PEX5L: variants seen among roughly 807,000 people sequenced by gnomAD.
The protein encoded by PEX5L is PEX5-related protein.
In PEX5L, 30 loss-of-function variants were observed where a neutral mutation model predicts 84.0. The observed-to-expected ratio is 0.36, with a 90% CI of 0.27 to 0.48. PEX5L has a LOEUF of 0.48. PEX5L is among the 20% of genes least tolerant of loss of function. The pLI is 0.99. For missense variants in PEX5L, 533 were observed against 754.6 expected, an observed-to-expected ratio of 0.71 and a Z score of 3.44; for synonymous variants, 270 against 283.1, an observed-to-expected ratio of 0.95 and a Z score of 0.46.
chr3:180,029,037 A>G (rs924929194), intron 1 of PEX5L, among the ~76,000 whole-genome samples: 4 of 152,228 alleles, frequency 2.6e-5, no homozygotes, highest in Non-Finnish European at 5.9e-5. Context: ...ACCTGATCAC[A>G]TCTCTAGCAG....
intron 1 of PEX5L, among the ~76,000 whole-genome samples, chr3:180,022,573 T>C (rs1458825581): frequency 6.6e-6 from 1 of 152,164 alleles, no homozygotes; most frequent in Non-Finnish European, 1.5e-5. Context: ...TGTTGAATGT[T>C]TTACAATAGC....
At chr3:180,029,415 A>C (rs924281813) in intron 1 of PEX5L, among the ~76,000 whole-genome samples, 1 of 152,212 alleles carries the variant, frequency 6.6e-6, no homozygotes, top group Non-Finnish European at 1.5e-5. Context: ...CTATGTATTT[A>C]TTTATTTGTA....
intron 5 of PEX5L, among the ~76,000 whole-genome samples, chr3:179,879,267 C>T (rs1374216857): frequency 6.6e-6 from 1 of 152,144 alleles, no homozygotes; most frequent in Non-Finnish European, 1.5e-5. Flanking sequence ...GCTGTCCTTT[C>T]TCAGAGGAGG....
At chr3:180,026,818 T>C (rs1301204210) in intron 1 of PEX5L, among the ~76,000 whole-genome samples, 2 of 152,168 alleles carry the variant, frequency 1.3e-5, no homozygotes, top group Non-Finnish European at 2.9e-5. Context: ...TATTTTACAT[T>C]CAAGCAATAT....
intron 8 of PEX5L, among the ~76,000 whole-genome samples, chr3:179,851,852 G>A (rs1173353974): frequency 6.6e-6 from 1 of 152,156 alleles, no homozygotes; most frequent in Non-Finnish European, 1.5e-5. Context: ...GATCAGAGAG[G>A]ACAAGCTTAG....
intron 1 of PEX5L, among the ~76,000 whole-genome samples, chr3:179,999,026 A>C (rs1788147491): frequency 6.6e-6 from 1 of 152,244 alleles, no homozygotes; most frequent in Non-Finnish European, 1.5e-5. Context: ...AAGTCTTCCC[A>C]GTGGGCAGAA....
chr3:179,906,613 T>G (rs956269243), intron 2 of PEX5L, among the ~76,000 whole-genome samples: 1 of 152,188 alleles, frequency 6.6e-6, no homozygotes, highest in African/African-American at 2.4e-5. Context: ...CTTTGAGGAT[T>G]GTGTGAAATA....
intron 8 of PEX5L, among the ~76,000 whole-genome samples, chr3:179,839,455 C>A (rs1470787541): frequency 6.6e-6 from 1 of 152,276 alleles, no homozygotes; most frequent in East Asian, 1.9e-4. Flanking sequence ...AACATTGTCA[C>A]TTGGTTAAAT....
At chr3:180,005,445 T>C (rs1314920677) in intron 1 of PEX5L, among the ~76,000 whole-genome samples, 2 of 152,114 alleles carry the variant, frequency 1.3e-5, no homozygotes, top group Non-Finnish European at 2.9e-5. Context: ...AATATTTTTG[T>C]AGGCTGGGCG....
intron 8 of PEX5L, among the ~76,000 whole-genome samples, chr3:179,833,466 C>T (rs770629868): frequency 6.6e-6 from 1 of 152,228 alleles, no homozygotes; most frequent in Non-Finnish European, 1.5e-5. Context: ...CCTCTCTAAC[C>T]TGTTCTTTGC....
chr3:179,831,306 C>T (rs866454955), intron 8 of PEX5L, among the ~76,000 whole-genome samples: 51 of 142,288 alleles, frequency 3.6e-4, no homozygotes, highest in African/African-American at 1.3e-3. Flanking sequence ...GGTGACAGGG[C>T]GAGACTCTGT....
At chr3:179,892,446 GA>G (rs1224215161) in intron 3 of PEX5L, among the ~76,000 whole-genome samples, 6 of 152,116 alleles carry the variant, frequency 3.9e-5, no homozygotes, top group African/African-American at 1.4e-4. Flanking sequence ...ACTAGACTGT[GA>G]CTTCCTTTAG....
At chr3:179,920,983 C>G (rs1421171121) in intron 2 of PEX5L, among the ~76,000 whole-genome samples, 1 of 152,020 alleles carries the variant, frequency 6.6e-6, no homozygotes, top group East Asian at 1.9e-4. Context: ...TTTTCCTAAG[C>G]CCCTTACTAT....
chr3:179,856,742 T>C (rs1744127550), intron 8 of PEX5L, among the ~76,000 whole-genome samples: 1 of 152,244 alleles, frequency 6.6e-6, no homozygotes, highest in South Asian at 2.1e-4. Context: ...GGGCACCATT[T>C]CCCTTCATTC....
intron 2 of PEX5L, among the ~76,000 whole-genome samples, chr3:179,911,361 G>C (rs1447719949): frequency 1.3e-5 from 2 of 152,116 alleles, no homozygotes; most frequent in African/African-American, 4.8e-5. Flanking sequence ...ATGGTGCAGG[G>C]AAACAAGGAG....
chr3:179,836,330 A>T (rs889133169), intron 8 of PEX5L, among the ~76,000 whole-genome samples: 5 of 152,212 alleles, frequency 3.3e-5, no homozygotes, highest in Non-Finnish European at 7.3e-5. Flanking sequence ...ATTTTGTGAA[A>T]GTAGAACTTT....
intron 2 of PEX5L, among the ~76,000 whole-genome samples, chr3:179,944,873 C>A (rs1315919904): frequency 6.6e-6 from 1 of 152,158 alleles, no homozygotes; most frequent in East Asian, 1.9e-4. Flanking sequence ...TGCAAGATTA[C>A]AAAACTAGTA....
intron 2 of PEX5L, chr3:179,901,916 T>C (rs1761481629): frequency 6.6e-6 from 1 of 152,180 alleles, no homozygotes; most frequent in Non-Finnish European, 1.5e-5. Flanking sequence ...TTTCCGTTTT[T>C]AAAATACAGA....
intron 8 of PEX5L, among the ~76,000 whole-genome samples, chr3:179,829,943 ATTT>A (rs11352022): frequency 1.2e-3 from 103 of 83,624 alleles, no homozygotes; most frequent in African/African-American, 4.2e-3. Context: ...GGCCTGGCTA[ATTT>A]TTTTTTTTTT....
Sources: gnomAD v4.1 joint callset for allele counts (sites outside exome capture counted in the v4.1 genomes callset) on GRCh38, gnomAD v4.1.1 for gene constraint, MANE v1.5 for transcripts, NCBI Gene and HGNC (gene_info 2026-07-23, HGNC 2026-07-21) for gene names.